POLRMT: variants seen among roughly 807,000 people sequenced by gnomAD.
POLRMT encodes the protein DNA-directed RNA polymerase, mitochondrial.
Under a neutral mutation model 132.2 loss-of-function variants are expected in POLRMT, and 114 were observed. The observed-to-expected ratio is 0.86, with a 90% CI of 0.74 to 1.01. The LOEUF (loss-of-function observed/expected upper bound fraction) is 1.01, where lower values mean the gene tolerates loss of function less well. POLRMT is among the 50% of genes least tolerant of loss of function. POLRMT has a pLI of 0.00. For missense variants in POLRMT, 2,003 were observed against 1,729.1 expected (o/e 1.16, Z -2.81); for synonymous variants, 1,020 against 773.4 (o/e 1.32, Z -5.29).
In POLRMT at chr19:620,019, G is replaced by C; in HGVS notation, c.2825C>G (p.Ala942Gly). Residue 942 changes from alanine (A) to glycine (G), a missense_variant, in exon 12 of 21, where the codon GCC (alanine) becomes GGC (glycine). Ala to Gly is a moderately conservative substitution (Grantham distance 60). Transcript: ENST00000588649. ...ATCCGAGGGCTCCAGGTTGACGGAGGCGGCGCCCACGCTGTCGCGGCCCAG... is the reference window on the plus strand; with the variant it reads ...ATCCGAGGGCTCCAGGTTGACGGAGCCGGCGCCCACGCTGTCGCGGCCCAG... ...AALGRDSVGA[A>G]SVNLEPSDVP... 6.3e-7 allele frequency: 1 copy of C among 1,579,456 alleles called. No individual in the cohort carries two copies. The highest frequency in any genetic ancestry group is 1.1e-5 in the South Asian group (1 of 88,078).
In POLRMT at chr19:621,175, G is replaced by A; in HGVS notation, c.2523C>T (p.Leu841=). ...RPLGPHGLDW[L]KIHLVNLTGL... ...CCGTGAGATTGACCAGGTGGATCTT[G>A]AGCCAATCCAGGCCGTGCGGGCCGA... Residue 841 remains leucine (L), a synonymous_variant, in exon 10 of 21, where the codon CTC becomes CTT. Transcript: ENST00000588649. 2.5e-6 allele frequency: 4 copies of A among 1,610,832 alleles called. No individual in the cohort carries two copies. Among genetic ancestry groups the A allele is most frequent in the East Asian group, 2.2e-5 (1 of 44,760 alleles).
Position 632,934 on chromosome 19 carries a change from G to A in POLRMT, c.93C>T (p.Thr31=), listed in dbSNP as rs1985533397. The A allele has an allele frequency of 2.0e-6, 3 of 1,508,158 alleles. No individual in the cohort carries two copies. The highest frequency in any genetic ancestry group is 1.8e-4 in the Middle Eastern group (1 of 5,502). The allele number at this position is 1,508,158 out of a possible 1,614,324, so 93.4% of individuals were successfully genotyped here. A position where few individuals can be genotyped will look rare whatever the true frequency, so the allele number is the denominator to read the frequency against. ...GRPGLPGKEG[T]AGGVCGPRRS... ...TCCTGGGGCCGCAGACGCCACCGGC[G>A]GTCCCTGCGGGAAAGACGAGAGCGG... Residue 31 remains threonine, a synonymous_variant, in exon 2 of 21, where the codon ACC becomes ACT. Transcript: ENST00000588649.
chr19:618,325 G>A (rs28483696), intron 17 of POLRMT, 163 bp downstream of exon 17: 38,422 of 608,696 alleles, frequency 0.063, 2,616 homozygotes, highest in African/African-American at 0.2. Flanking sequence ...ACCTACATTC[G>A]GGGCACACAG....
intron 3 of POLRMT, chr19:625,565 C>G (rs993190863): frequency 1.0e-5 from 3 of 296,116 alleles, no homozygotes; most frequent in African/African-American, 2.2e-5. Context: ...CTTGACTGTT[C>G]TCTGCTGTTT....
chr19:631,045 G>A (rs1985376152), intron 2 of POLRMT, among the ~76,000 whole-genome samples: 1 of 152,048 alleles, frequency 6.6e-6, no homozygotes, highest in Non-Finnish European at 1.5e-5. Flanking sequence ...TATAGTACCA[G>A]CTACTTGGGA....
At chr19:623,026 G>C (rs1461696495) in intron 6 of POLRMT, 41 bp from the exon 7 acceptor site, 1 of 1,601,194 alleles carries the variant, frequency 6.2e-7, no homozygotes. Context: ...CGTGGCAGCT[G>C]GTGGGACCCA....
intron 3 of POLRMT, among the ~76,000 whole-genome samples, chr19:627,734 G>A (rs943906830): frequency 2.7e-5 from 4 of 150,576 alleles, no homozygotes; most frequent in African/African-American, 4.9e-5. Flanking sequence ...AGACCAGCCC[G>A]GCCAACATGG....
rs151287767 is a variant in POLRMT at position 617,466 on chromosome 19, A to G, written c.3596T>C (p.Leu1199Ser). 7.5e-3 allele frequency: 12,072 copies of G among 1,611,538 alleles called. 58 individuals are homozygous for G. Among genetic ancestry groups the G allele is most frequent in the Middle Eastern group, 0.013 (72 of 5,528 alleles). ...KRFCSEPQKI[L>S]EASQLKETLQ... is the part of the protein sequence containing the mutation. ...TGTCTCCTTCAGCTGGCTGGCCTCC[A>G]AGATCTTCTGGGGCCTGGGGTTGGA... The change falls in exon 20 of 21, where the codon TTG (leucine) becomes TCG (serine). Residue 1199 changes from leucine (L) to serine (S), a missense_variant. Coordinates refer to ENST00000588649, the MANE Select transcript of POLRMT (RefSeq NM_005035.4).
rs1472649402 is a variant in POLRMT at position 617,663 on chromosome 19, G to A, written c.3496-8C>T. The stretch of plus-strand genomic sequence containing the variant: ...AAACTGCTCCCGGCACACCTGGGCA[G>A]GAGTCAGAGGATCCCCAGGGGTGAT... On this transcript the variant is annotated splice_region_variant and splice_polypyrimidine_tract_variant and intron_variant, in intron 18 of 20. Transcript: ENST00000588649. 3.7e-6 allele frequency: 6 copies of A among 1,612,554 alleles called. No homozygotes were observed. Among genetic ancestry groups the A allele is most frequent in the East Asian group, 4.5e-5 (2 of 44,882 alleles).
chr19:622,780 C>A (rs1413666357), intron 7 of POLRMT, 28 bp from the exon 8 acceptor site: 21 of 1,565,546 alleles, frequency 1.3e-5, no homozygotes, highest in Admixed American at 1.9e-5. Flanking sequence ...GAGTGCCTGC[C>A]CGCCCCGCCC....
intron 3 of POLRMT, 146 bp from the exon 4 acceptor site, chr19:625,400 C>T: frequency 9.3e-7 from 1 of 1,074,358 alleles, no homozygotes; most frequent in Non-Finnish European, 1.3e-6. Context: ...CAGACCGATG[C>T]ATCCCCCTGA....
intron 1 of POLRMT, 91 bp from the exon 2 acceptor site, chr19:633,029 A>T (rs1248171028): frequency 5.7e-6 from 5 of 881,332 alleles, no homozygotes; most frequent in Non-Finnish European, 8.1e-6. Context: ...AGGGCAAAGG[A>T]GCCCTAAACG....
chr19:625,905 G>A (rs559880859), intron 3 of POLRMT, among the ~76,000 whole-genome samples: 18 of 152,094 alleles, frequency 1.2e-4, no homozygotes, highest in African/African-American at 4.1e-4. Context: ...GTTTCACCAT[G>A]CTGGCCAGGC....
chr19:624,636 C>A lies in POLRMT; in HGVS notation c.1140+83G>T, dbSNP rs1318177921. 4 of 1,462,970 alleles carry A rather than the reference C, an allele frequency of 2.7e-6. No homozygotes were observed. The African/African-American group carries it at 4.2e-5, about 15-fold the overall frequency. The allele number at this position is 1,462,970 out of a possible 1,614,324, so 90.6% of individuals were successfully genotyped here. ...AGGTGAGCCCTGGGCACCGGGGAGG[C>A]CCATTGGTCTGAGCTGAGGCTCCAG... On this transcript the variant is annotated intron_variant, in intron 5 of 20. Coordinates refer to ENST00000588649, the MANE Select transcript of POLRMT (RefSeq NM_005035.4).
intron 10 of POLRMT, 78 bp from the exon 11 acceptor site, chr19:620,565 G>C: frequency 1.4e-6 from 2 of 1,439,804 alleles, no homozygotes; most frequent in South Asian, 2.9e-5. Context: ...TTGCGGGGAG[G>C]TGGGAAATGG....
At chr19:622,487 G>A in intron 8 of POLRMT, 95 bp downstream of exon 8, 2 of 1,478,458 alleles carry the variant, frequency 1.4e-6, no homozygotes, top group Admixed American at 2.3e-5. Context: ...CAGATGAACA[G>A]ACTGAAGCTT....
rs145528310 is a variant in POLRMT at position 619,533 on chromosome 19, G to A, written c.3066+53C>T. 10 of 1,602,772 alleles carry A rather than the reference G, an allele frequency of 6.2e-6. No homozygotes were observed. The Admixed American group carries it at 1.0e-4, about 16-fold the overall frequency. On this transcript the variant is annotated intron_variant, in intron 13 of 20. Coordinates refer to ENST00000588649, the MANE Select transcript of POLRMT (RefSeq NM_005035.4). ...CTGGGTCGGGGGCACACCCGTCTGA[G>A]TTTTAAATGGCAGTGAAACCAACGT... is the stretch of plus-strand genomic sequence containing the variant.
At chr19:620,575 GGGA>G (rs1568165746) in intron 10 of POLRMT, 88 bp from the exon 11 acceptor site, 6 of 1,415,240 alleles carry the variant, frequency 4.2e-6, no homozygotes, top group East Asian at 5.1e-5. Flanking sequence ...GTGGGAAATG[GGGA>G]GGAGACGCAC....
In POLRMT at chr19:629,845, C is replaced by A. The variant is rs761411188; in HGVS notation, c.517G>T (p.Gly173Trp). 1 of 1,605,370 alleles carries A rather than the reference C, an allele frequency of 6.2e-7. No individual in the cohort carries two copies. Among genetic ancestry groups the A allele is most frequent in the East Asian group, 2.2e-5 (1 of 44,740 alleles). The change falls in exon 3 of 21, where the codon GGG becomes TGG. Residue 173 changes from glycine (G) to tryptophan (W), a missense_variant. By Grantham distance (184) the Gly-to-Trp change is radical. Transcript: ENST00000588649. Reference protein sequence around the residue: ...EPRLLSKQMAGCLEDCTRQAP... With the variant: ...EPRLLSKQMAWCLEDCTRQAP... The stretch of plus-strand genomic sequence containing the variant: ...TGGCGCGTGCAGTCCTCCAGGCACC[C>A]GGCCATCTGCTTGCTCAGGAGCCGG...
Sources: gnomAD v4.1 joint callset for allele counts (sites outside exome capture counted in the v4.1 genomes callset) on GRCh38, gnomAD v4.1.1 for gene constraint, MANE v1.5 for transcripts, NCBI Gene and HGNC (gene_info 2026-07-23, HGNC 2026-07-21) for gene names.